PCNX2: variants seen among roughly 807,000 people sequenced by gnomAD.
PCNX2 encodes the protein pecanex 2.
In PCNX2, 168 loss-of-function variants were observed where a neutral mutation model predicts 223.8. That is an observed-to-expected ratio of 0.75 (90% CI 0.66 to 0.85). PCNX2 has a LOEUF of 0.85. Ranked by LOEUF, PCNX2 falls within the 40% of genes least tolerant of loss-of-function variation. The probability of loss-of-function intolerance (pLI) is 0.00; values close to 1 mark genes in which losing one functional copy is unlikely to be tolerated. For missense variants in PCNX2, 2,507 were observed against 2,675.5 expected (o/e 0.94, Z 1.39); for synonymous variants, 1,006 against 1,052.6 (o/e 0.96, Z 0.86).
At position 233,179,178 on chromosome 1, in the gene PCNX2, A is replaced by G. The variant is rs757531713; in HGVS notation, c.3067-3T>C. On this transcript the variant is annotated splice_polypyrimidine_tract_variant and splice_region_variant and intron_variant, in intron 15 of 33. Coordinates refer to ENST00000258229, the MANE Select transcript of PCNX2 (RefSeq NM_014801.4). ...ATGTGTTGCATGCTCCACGGTTCCT[A>G]AAGAAAAGACATCAGTTAGCCAAGT... is the stretch of plus-strand genomic sequence containing the variant. 18 of 1,613,504 alleles carry G rather than the reference A, an allele frequency of 1.1e-5. No individual in the cohort carries two copies. The Admixed American group carries it at 1.8e-4, about 16-fold the overall frequency.
Position 233,070,402 on chromosome 1 carries a change from CA to C in PCNX2, c.4077-13113del, listed in dbSNP as rs748693477. On this transcript the variant is annotated intron_variant, in intron 23 of 33. Transcript: ENST00000258229. ...CCCTGATACAAAAACCTGACAAAAACAGCATGAAAAAAATAAAATTAAAGAT... is the reference window on the plus strand; with the variant it reads ...CCCTGATACAAAAACCTGACAAAAACGCATGAAAAAAATAAAATTAAAGAT... Among the ~76,000 whole-genome samples, 96 of 151,916 alleles carry C rather than the reference CA, an allele frequency of 6.3e-4. 1 individual carries two copies. Among genetic ancestry groups the C allele is most frequent in the Non-Finnish European group, 1.2e-3 (83 of 67,920 alleles).
At chr1:233,290,142 G>C (rs1661678993) in intron 1 of PCNX2, among the ~76,000 whole-genome samples, 1 of 151,718 alleles carries the variant, frequency 6.6e-6, no homozygotes, top group African/African-American at 2.4e-5. Context: ...CCTCAGGAAG[G>C]GGGTTGGGGT....
intron 32 of PCNX2, among the ~76,000 whole-genome samples, chr1:232,987,540 A>G (rs968681740): frequency 6.6e-6 from 1 of 152,240 alleles, no homozygotes; most frequent in African/African-American, 2.4e-5. Flanking sequence ...TAGGCATTAA[A>G]TAAAGACAAA....
At chr1:233,119,350 G>C (rs1366563293) in intron 21 of PCNX2, among the ~76,000 whole-genome samples, 1 of 134,430 alleles carries the variant, frequency 7.4e-6, no homozygotes, top group African/African-American at 2.8e-5. Context: ...ATGAGGTCAG[G>C]AGATTAAGAC....
intron 26 of PCNX2, among the ~76,000 whole-genome samples, chr1:233,022,640 T>TGGA (rs1194502146): frequency 6.6e-6 from 1 of 151,324 alleles, no homozygotes; most frequent in Non-Finnish European, 1.5e-5. Flanking sequence ...GTGGCAATAC[T>TGGA]GGAGGTCTCT....
intron 28 of PCNX2, among the ~76,000 whole-genome samples, chr1:233,009,273 A>AT (rs1203641733): frequency 2.0e-5 from 3 of 152,068 alleles, no homozygotes; most frequent in African/African-American, 7.2e-5. Flanking sequence ...TGTTATTGTT[A>AT]TTTTCACCCC....
At chr1:233,086,819 C>A (rs1033828572) in intron 23 of PCNX2, 1 of 161,850 alleles carries the variant, frequency 6.2e-6, no homozygotes, top group Non-Finnish European at 1.3e-5. Context: ...TTATCCAGAA[C>A]TTCCTATTGG....
chr1:233,294,971 T>C (rs1661983477), intron 1 of PCNX2, among the ~76,000 whole-genome samples: 1 of 152,078 alleles, frequency 6.6e-6, no homozygotes, highest in South Asian at 2.1e-4. Context: ...CTACAGCATT[T>C]CACACCAAAC....
chr1:232,986,503 G>T lies in PCNX2; in HGVS notation c.5829C>A (p.His1943Gln). Residue 1943 changes from histidine to glutamine, a missense_variant, in exon 33 of 34, where the codon CAC (histidine) becomes CAA (glutamine). By Grantham distance (24) the His-to-Gln change is conservative. This residue lies in a region of PCNX2 where 1,372 missense variants were observed against 1,509.4 expected (regional missense o/e 0.91). Coordinates refer to ENST00000258229, the MANE Select transcript of PCNX2 (RefSeq NM_014801.4). ...TGGGCGGCCTTTGGCTTAGCGCTGA[G>T]TGTGCCTGCACGGACTGGCTCCTGC... is the stretch of plus-strand genomic sequence containing the variant. ...RKGRSQSVQAHSALSQRPPML... is the reference protein window; with the variant it reads ...RKGRSQSVQAQSALSQRPPML... The T allele has an allele frequency of 1.3e-6, 2 of 1,576,206 alleles. No homozygotes were observed. Among genetic ancestry groups the T allele is most frequent in the Non-Finnish European group, 1.7e-6 (2 of 1,158,990 alleles).
chr1:233,151,944 C>T (rs1173778158), intron 19 of PCNX2, among the ~76,000 whole-genome samples: 1 of 152,242 alleles, frequency 6.6e-6, no homozygotes, highest in African/African-American at 2.4e-5. Context: ...CCTCCCTCTG[C>T]CTCTCTCTGC....
In PCNX2 at chr1:233,295,226, C is replaced by T. The variant is rs1662008672; in HGVS notation, c.153+100G>A. ...CCTTTCCGTCTCTTAAGAATCTCTA[C>T]GAACCCGAAAGCCCGTGAGGCTGAT... is the stretch of plus-strand genomic sequence containing the variant. On this transcript the variant is annotated intron_variant, in intron 1 of 33. Coordinates refer to ENST00000258229, the MANE Select transcript of PCNX2 (RefSeq NM_014801.4). This position sits in a 1 kb window ranked among gnomAD's most constrained non-coding sequence, Gnocchi z 4.1. 7 of 1,500,170 alleles carry T rather than the reference C, an allele frequency of 4.7e-6. No homozygotes were observed. The Admixed American group carries it at 6.0e-5, about 13-fold the overall frequency. 92.9% of individuals were successfully genotyped at this position (1,500,170 alleles called of 1,614,324 possible). A position where few individuals can be genotyped will look rare whatever the true frequency, so the allele number is the denominator to read the frequency against.
At chr1:233,014,491 C>G (rs921459664) in intron 28 of PCNX2, among the ~76,000 whole-genome samples, 174 bp downstream of exon 28, 1 of 151,986 alleles carries the variant, frequency 6.6e-6, no homozygotes, top group Admixed American at 6.6e-5. Flanking sequence ...TCCAAAAGAG[C>G]AGTGATCAAA....
At chr1:233,245,080 C>T (rs892814871) in intron 8 of PCNX2, among the ~76,000 whole-genome samples, 1 of 152,262 alleles carries the variant, frequency 6.6e-6, no homozygotes, top group African/African-American at 2.4e-5. Flanking sequence ...GGGCCCTACT[C>T]CACCCCTCCT....
At chr1:233,185,929 ACTGT>A (rs1378323361) in intron 15 of PCNX2, among the ~76,000 whole-genome samples, 1 of 152,184 alleles carries the variant, frequency 6.6e-6, no homozygotes, top group Non-Finnish European at 1.5e-5. Context: ...TAGTAATAAA[ACTGT>A]CTAATAGTCC....
chr1:233,006,838 G>A (rs138301985), intron 28 of PCNX2, among the ~76,000 whole-genome samples: 1 of 152,248 alleles, frequency 6.6e-6, no homozygotes, highest in African/African-American at 2.4e-5. Flanking sequence ...AGTGTGATTT[G>A]CAGGCTGGGT....
chr1:232,989,627 C>T (rs1669625229), intron 32 of PCNX2, among the ~76,000 whole-genome samples: 1 of 152,282 alleles, frequency 6.6e-6, no homozygotes, highest in Non-Finnish European at 1.5e-5. Context: ...GCCCTTTCTG[C>T]AGCAAAGGAC....
rs201179574 is a variant in PCNX2, at chr1:233,019,088, G to GTT, written c.4606-1936_4606-1935dup. The stretch of plus-strand genomic sequence containing the variant: ...TTTACTTGGGTATCTGGTTTCAAGG[G>GTT]TTTTTTTTTAGGACTTTAGCAGGTG... On this transcript the variant is annotated intron_variant, in intron 26 of 33. Transcript: ENST00000258229. The GTT allele has an allele frequency of 5.1e-6, 5 of 982,252 alleles. No homozygotes were observed. The Admixed American group carries it at 1.9e-4, about 37-fold the overall frequency. 60.8% of individuals were successfully genotyped at this position (982,252 alleles called of 1,614,324 possible). A position where few individuals can be genotyped will look rare whatever the true frequency, so the allele number is the denominator to read the frequency against.
intron 25 of PCNX2, among the ~76,000 whole-genome samples, chr1:233,050,054 C>T (rs1671945797): frequency 6.6e-6 from 1 of 151,596 alleles, no homozygotes; most frequent in Non-Finnish European, 1.5e-5. Context: ...CACATGGACA[C>T]AGGGAGGGGA....
intron 25 of PCNX2, among the ~76,000 whole-genome samples, chr1:233,029,441 T>C (rs1202523968): frequency 6.6e-6 from 1 of 152,174 alleles, no homozygotes; most frequent in Non-Finnish European, 1.5e-5. Context: ...TTCTAAAAGA[T>C]TTTAAAAAGA....
Sources: allele counts gnomAD v4.1 joint callset (sites outside exome capture counted in the v4.1 genomes callset), GRCh38; gene constraint gnomAD v4.1.1; regional missense constraint gnomAD v4.1.1; non-coding constraint Gnocchi (gnomAD v3.1); transcripts MANE v1.5; gene names NCBI Gene and HGNC (gene_info 2026-07-23, HGNC 2026-07-21).